BCAS3: variants seen among roughly 807,000 people sequenced by gnomAD.
BCAS3 encodes the protein BCAS4/BCAS3 fusion.
Under a neutral mutation model 116.1 loss-of-function variants are expected in BCAS3, and 53 were observed. The ratio of observed to expected loss-of-function variants is 0.46; its 90% CI spans 0.37 to 0.57. The LOEUF is 0.57. Among genes scored for constraint, BCAS3 ranks in the 20% least tolerant of loss-of-function variants. BCAS3 has a pLI of 0.00. For synonymous variants in BCAS3, 391 were observed against 408.2 expected (o/e 0.96, Z 0.51); for missense variants, 917 against 1,165.4 (o/e 0.79, Z 3.10).
chr17:60,826,773 C>G (rs1317906757), intron 7 of BCAS3, among the ~76,000 whole-genome samples: 1 of 152,070 alleles, frequency 6.6e-6, no homozygotes, highest in Non-Finnish European at 1.5e-5. Context: ...AACAGGAGTA[C>G]TTAGAAATGG....
At chr17:60,704,705 G>C (rs1029250987) in intron 4 of BCAS3, among the ~76,000 whole-genome samples, 4 of 152,000 alleles carry the variant, frequency 2.6e-5, no homozygotes, top group African/African-American at 9.7e-5. Context: ...GGGCATGGTG[G>C]TGCGTGCCTA....
chr17:60,891,758 T>C (rs897318746), intron 10 of BCAS3: 3 of 455,934 alleles, frequency 6.6e-6, no homozygotes, highest in South Asian at 4.6e-5. Context: ...CATCCAGATA[T>C]TGAACATTGT....
At chr17:61,322,804 G>GAGAGAGAGAGAGAGAGAGAGAC (rs1568850156) in intron 22 of BCAS3, among the ~76,000 whole-genome samples, 19 of 128,466 alleles carry the variant, frequency 1.5e-4, no homozygotes, top group Admixed American at 3.2e-4. Flanking sequence ...CAGAGAGAGA[G>GAGAGAGAGAGAGAGAGAGAGAC]AGAGAGAGAG....
At position 61,097,133 on chromosome 17, in the gene BCAS3, A is replaced by G. The variant is rs935980411; in HGVS notation, c.2425+12569A>G. Among the ~76,000 whole-genome samples the G allele has an allele frequency of 3.9e-5, 6 of 152,202 alleles. No homozygotes were observed. Among genetic ancestry groups the G allele is most frequent in the Non-Finnish European group, 8.8e-5 (6 of 68,022 alleles). Reference sequence around the variant, plus strand: ...ATAATCAAACTGTTCAGATCTAAACATAAGGAAGGAATTTTAAGAAGCCTA... The same window carrying G: ...ATAATCAAACTGTTCAGATCTAAACGTAAGGAAGGAATTTTAAGAAGCCTA... On this transcript the variant is annotated intron_variant, in intron 22 of 23. Coordinates refer to ENST00000407086, the MANE Select transcript of BCAS3 (RefSeq NM_017679.5). The surrounding 1 kb of genome is among the most constrained non-coding windows in gnomAD (Gnocchi z 4.0).
In BCAS3 at chr17:61,230,176, T is replaced by C. The variant is rs771170804; in HGVS notation, c.2426-138151T>C. On this transcript the variant is annotated intron_variant, in intron 22 of 23. Coordinates refer to ENST00000407086, the MANE Select transcript of BCAS3 (RefSeq NM_017679.5). The stretch of plus-strand genomic sequence containing the variant: ...ACACACACACACACACACACACACA[T>C]AGTGTTGATATGTGCATATATGTAT... Among the ~76,000 whole-genome samples, 85 of 142,676 alleles carry C rather than the reference T, an allele frequency of 6.0e-4. 1 individual carries two copies. Among genetic ancestry groups the C allele is most frequent in the Middle Eastern group, 3.6e-3 (1 of 276 alleles). 93.6% of individuals were successfully genotyped at this position (142,676 alleles called of 152,430 possible).
rs554034712 is a variant in BCAS3 at position 61,348,898 on chromosome 17, G to A, written c.2426-19429G>A. On this transcript the variant is annotated intron_variant, in intron 22 of 23. Transcript: ENST00000407086. The surrounding 1 kb of genome is among the most constrained non-coding windows in gnomAD (Gnocchi z 4.5). ...TTCCCGAGTAGCTGGGACTACAGGC[G>A]CCCACCGCCACACACGGCTAACTTT... Among the ~76,000 whole-genome samples, 25 of 151,862 alleles carry A rather than the reference G, an allele frequency of 1.6e-4. No homozygotes were observed. In the East Asian group the frequency reaches 3.7e-3, roughly 22 times the overall value.
intron 22 of BCAS3, among the ~76,000 whole-genome samples, chr17:61,287,065 G>A (rs1031989054): frequency 2.0e-5 from 3 of 151,868 alleles, no homozygotes; most frequent in Non-Finnish European, 2.9e-5. Context: ...TGGCTAACAC[G>A]GTGAAACCCC....
At chr17:60,841,681 A>G (rs755393362) in intron 7 of BCAS3, among the ~76,000 whole-genome samples, 3 of 151,302 alleles carry the variant, frequency 2.0e-5, no homozygotes, top group African/African-American at 4.9e-5. Flanking sequence ...CGCATGGCCT[A>G]TCTTCTCATA....
At chr17:61,223,115 T>C (rs1419867708) in intron 22 of BCAS3, among the ~76,000 whole-genome samples, 1 of 151,900 alleles carries the variant, frequency 6.6e-6, no homozygotes, top group Non-Finnish European at 1.5e-5. Flanking sequence ...CCTACAAATA[T>C]TAATTTTACT....
chr17:60,943,050 A>G (rs2060305707), intron 13 of BCAS3, among the ~76,000 whole-genome samples: 2 of 152,184 alleles, frequency 1.3e-5, no homozygotes, highest in Non-Finnish European at 2.9e-5. Flanking sequence ...AAATATTGTT[A>G]AAAATAAGTA....
At chr17:61,061,004 G>C (rs370872246) in intron 19 of BCAS3, among the ~76,000 whole-genome samples, 40 of 152,274 alleles carry the variant, frequency 2.6e-4, no homozygotes, top group African/African-American at 8.9e-4. Flanking sequence ...CCCTGCAGTA[G>C]TTGTGGGCTT....
rs537596251 is a variant in BCAS3 at position 61,017,690 on chromosome 17, TATG to T, written c.1637+1793_1637+1795del. On this transcript the variant is annotated intron_variant, in intron 16 of 23. Transcript: ENST00000407086. This position sits in a 1 kb window ranked among gnomAD's most constrained non-coding sequence, Gnocchi z 4.7. ...AACTGAAGTTTAGTGCATAAAATGA[TATG>T]ATGTTAGAATTTAATTCATAATATT... 2.1e-3 allele frequency among the ~76,000 whole-genome samples: 324 copies of T among 152,336 alleles called. 3 individuals carry two copies. The highest frequency in any genetic ancestry group is 0.01 in the Middle Eastern group (3 of 294).
intron 22 of BCAS3, among the ~76,000 whole-genome samples, chr17:61,160,183 G>GTTT (rs5821308): frequency 6.8e-6 from 1 of 146,366 alleles, no homozygotes; most frequent in Admixed American, 6.7e-5. Flanking sequence ...AAGCAGGGTG[G>GTTT]TTTTTTTTTT....
chr17:60,682,647 C>T (rs1001045225), intron 2 of BCAS3, among the ~76,000 whole-genome samples: 2 of 152,016 alleles, frequency 1.3e-5, no homozygotes, highest in Non-Finnish European at 2.9e-5. Flanking sequence ...TTCAGCCTCC[C>T]GAGCAGCTGA....
At chr17:61,071,964 C>T (rs2071472175) in intron 19 of BCAS3, among the ~76,000 whole-genome samples, 1 of 152,008 alleles carries the variant, frequency 6.6e-6, no homozygotes, top group Admixed American at 6.6e-5. Context: ...AATGGTGAGG[C>T]AGAGGAAGGA....
intron 6 of BCAS3, among the ~76,000 whole-genome samples, chr17:60,800,541 G>A (rs1189089134): frequency 6.6e-6 from 1 of 152,096 alleles, no homozygotes; most frequent in African/African-American, 2.4e-5. Context: ...GATGTAGCTT[G>A]TGCTTTCATT....
chr17:60,938,711 A>AAGATAGAT (rs77328962), intron 13 of BCAS3, among the ~76,000 whole-genome samples: 17,554 of 146,564 alleles, frequency 0.12, 1,140 homozygotes, highest in Non-Finnish European at 0.14. Context: ...TTTCTGATAG[A>AAGATAGAT]AGATAGATAG....
intron 23 of BCAS3, among the ~76,000 whole-genome samples, chr17:61,373,901 G>T (rs553066794): frequency 2.9e-5 from 4 of 137,902 alleles, no homozygotes; most frequent in African/African-American, 8.2e-5. Flanking sequence ...GGGTTCAAGC[G>T]AATCGCATGC....
chr17:60,910,232 A>G lies in BCAS3; in HGVS notation c.823-300A>G, dbSNP rs930520. Among the ~76,000 whole-genome samples the G allele has an allele frequency of 3.2e-4, 49 of 152,354 alleles. No individual in the cohort carries two copies. The East Asian group carries it at 8.7e-3, about 27-fold the overall frequency. Reference sequence around the variant, plus strand: ...GGAGGGAATGAAAGAAATATCTTCTATAAAAATATAATTGTACCCTTATGT... The same window carrying G: ...GGAGGGAATGAAAGAAATATCTTCTGTAAAAATATAATTGTACCCTTATGT... On this transcript the variant is annotated intron_variant, in intron 11 of 23. Transcript: ENST00000407086.
Sources: gnomAD v4.1 joint callset for allele counts (sites outside exome capture counted in the v4.1 genomes callset) on GRCh38, gnomAD v4.1.1 for gene constraint, Gnocchi (gnomAD v3.1) non-coding constraint, MANE v1.5 for transcripts, NCBI Gene and HGNC (gene_info 2026-07-23, HGNC 2026-07-21) for gene names.